MALRD1: variants seen among roughly 807,000 people sequenced by gnomAD.
MALRD1 encodes the protein MAM and LDL-receptor class A domain-containing protein 1.
Under a neutral mutation model 242.1 loss-of-function variants are expected in MALRD1, and 247 were observed. That is an observed-to-expected ratio of 1.02 (90% CI 0.92 to 1.13). MALRD1 has a LOEUF of 1.13. MALRD1 is among the 50% of genes most tolerant of loss of function. The pLI is 0.00. For missense variants in MALRD1, 2,989 were observed against 2,533.1 expected, an observed-to-expected ratio of 1.18 and a Z score of -3.86; for synonymous variants, 995 against 866.6, an observed-to-expected ratio of 1.15 and a Z score of -2.60.
At chr10:19,341,986 T>A (rs938755906) in intron 24 of MALRD1, among the ~76,000 whole-genome samples, 3 of 152,112 alleles carry the variant, frequency 2.0e-5, no homozygotes, top group Non-Finnish European at 4.4e-5. Flanking sequence ...TTAATTGTTA[T>A]GGCATATAAC....
intron 28 of MALRD1, among the ~76,000 whole-genome samples, chr10:19,447,775 C>G (rs1835082756): frequency 6.6e-6 from 1 of 152,094 alleles, no homozygotes; most frequent in South Asian, 2.1e-4. Context: ...AATTAACCAT[C>G]CCTTTGATTT....
chr10:19,073,995 G>A (rs1171493296), intron 2 of MALRD1, among the ~76,000 whole-genome samples: 1 of 152,084 alleles, frequency 6.6e-6, no homozygotes, highest in Non-Finnish European at 1.5e-5. Context: ...CAAATGGAAA[G>A]AACCACATAA....
At chr10:19,102,489 A>G (rs1276744830) in intron 4 of MALRD1, among the ~76,000 whole-genome samples, 1 of 152,182 alleles carries the variant, frequency 6.6e-6, no homozygotes, top group East Asian at 1.9e-4. Context: ...GGTACAGCAT[A>G]TTGTACAGGG....
chr10:19,282,810 TA>T (rs1840882218), intron 20 of MALRD1, among the ~76,000 whole-genome samples: 1 of 119,186 alleles, frequency 8.4e-6, no homozygotes, highest in African/African-American at 3.1e-5. Flanking sequence ...TTTTTTCCTA[TA>T]TTTTTTCCTA....
At chr10:19,218,016 T>G (rs1288087014) in intron 18 of MALRD1, among the ~76,000 whole-genome samples, 1 of 152,152 alleles carries the variant, frequency 6.6e-6, no homozygotes, top group Non-Finnish European at 1.5e-5. Flanking sequence ...AACTTCCCAG[T>G]TCATCATTCT....
At chr10:19,634,055 G>A (rs1335349268) in intron 36 of MALRD1, among the ~76,000 whole-genome samples, 2 of 151,876 alleles carry the variant, frequency 1.3e-5, no homozygotes, top group East Asian at 1.9e-4. Flanking sequence ...TGGCTAGGCT[G>A]GTCTTGAACT....
At chr10:19,148,784 A>ATATATATATAT (rs1309198981) in intron 11 of MALRD1, among the ~76,000 whole-genome samples, 7 of 63,944 alleles carry the variant, frequency 1.1e-4, no homozygotes, top group African/African-American at 2.7e-4. Context: ...AAAAAAAAAA[A>ATATATATATAT]AAAAATATAT....
At chr10:19,319,160 TC>T (rs1369160517) in intron 21 of MALRD1, among the ~76,000 whole-genome samples, 2 of 152,120 alleles carry the variant, frequency 1.3e-5, no homozygotes, top group African/African-American at 4.8e-5. Context: ...GAATGCAGTC[TC>T]TTTTTTTCAG....
intron 36 of MALRD1, among the ~76,000 whole-genome samples, chr10:19,618,549 A>C (rs1839267935): frequency 6.6e-6 from 1 of 151,950 alleles, no homozygotes; most frequent in Non-Finnish European, 1.5e-5. Context: ...ATGGTATGTC[A>C]CTATGGTTTT....
At chr10:19,543,496 A>G (rs1022133839) in intron 32 of MALRD1, among the ~76,000 whole-genome samples, 1 of 137,738 alleles carries the variant, frequency 7.3e-6, no homozygotes, top group African/African-American at 2.7e-5. Flanking sequence ...CTGGTCTCCA[A>G]CTGCTGGACT....
At chr10:19,382,241 G>A (rs1845867262) in intron 26 of MALRD1, among the ~76,000 whole-genome samples, 2 of 152,052 alleles carry the variant, frequency 1.3e-5, no homozygotes, top group African/African-American at 4.8e-5. Flanking sequence ...CTGAATACCT[G>A]TAAAAATAAA....
At chr10:19,548,619 G>T (rs1835349922) in intron 32 of MALRD1, among the ~76,000 whole-genome samples, 1 of 151,942 alleles carries the variant, frequency 6.6e-6, no homozygotes, top group Non-Finnish European at 1.5e-5. Context: ...TGCTACTATT[G>T]TATTTTTTTC....
At chr10:19,207,888 G>T (rs955807888) in intron 17 of MALRD1, among the ~76,000 whole-genome samples, 1 of 152,122 alleles carries the variant, frequency 6.6e-6, no homozygotes, top group East Asian at 1.9e-4. Flanking sequence ...TGCCTGCACC[G>T]TAACTCTTGC....
chr10:19,295,462 GGT>G (rs10685643), intron 21 of MALRD1, among the ~76,000 whole-genome samples: 36 of 149,032 alleles, frequency 2.4e-4, no homozygotes, highest in African/African-American at 4.2e-4. Context: ...GTATGTTTTG[GGT>G]GTGTGTGTGT....
chr10:19,614,597 G>A (rs2131607468), intron 35 of MALRD1, among the ~76,000 whole-genome samples: 1 of 152,096 alleles, frequency 6.6e-6, no homozygotes, highest in South Asian at 2.1e-4. Context: ...TGTCTCATGA[G>A]GAAATAAGGA....
intron 14 of MALRD1, among the ~76,000 whole-genome samples, chr10:19,181,335 T>A (rs1028388042): frequency 6.6e-6 from 1 of 152,208 alleles, no homozygotes; most frequent in Admixed American, 6.5e-5. Flanking sequence ...TACAGATAGA[T>A]AAACTGTGGT....
At chr10:19,440,590 G>A (rs7899646) in intron 28 of MALRD1, among the ~76,000 whole-genome samples, 106,839 of 151,920 alleles carry the variant, frequency 0.7, 37,650 homozygotes, top group Non-Finnish European at 0.74. Flanking sequence ...GGGAACATGC[G>A]GTGTTTGGTT....
intron 28 of MALRD1, among the ~76,000 whole-genome samples, chr10:19,420,405 T>C (rs1833680805): frequency 6.6e-6 from 1 of 152,168 alleles, no homozygotes; most frequent in Non-Finnish European, 1.5e-5. Context: ...TATTGATTCT[T>C]TGAAAAGAAA....
At chr10:19,580,949 T>A (rs1205142631) in intron 33 of MALRD1, among the ~76,000 whole-genome samples, 1 of 152,032 alleles carries the variant, frequency 6.6e-6, no homozygotes, top group East Asian at 1.9e-4. Context: ...CAAATAGAGG[T>A]CATGTTCCAT....
Sources: gnomAD v4.1 joint callset for allele counts (sites outside exome capture counted in the v4.1 genomes callset) on GRCh38, gnomAD v4.1.1 for gene constraint, MANE v1.5 for transcripts, NCBI Gene and HGNC (gene_info 2026-07-23, HGNC 2026-07-21) for gene names.